The following INPP4B variants were observed in gnomAD, a reference collection of about 807,000 sequenced individuals.
INPP4B encodes inositol polyphosphate-4-phosphatase type II B, also known as inositol polyphosphate 4-phosphatase type II.
INPP4B carries 55 observed loss-of-function variants against 122.5 expected under a neutral mutation model. That is an observed-to-expected ratio of 0.45 (90% CI 0.36 to 0.56). INPP4B has a LOEUF of 0.56. Ranked by LOEUF, INPP4B falls within the 20% of genes least tolerant of loss-of-function variation. INPP4B has a pLI of 0.00. For missense variants in INPP4B, 1,000 were observed against 1,097.7 expected (o/e 0.91, Z 1.26); for synonymous variants, 403 against 388.7 (o/e 1.04, Z -0.43).
At chr4:142,807,002 A>G (rs1295902534) in intron 1 of INPP4B, among the ~76,000 whole-genome samples, 1 of 152,152 alleles carries the variant, frequency 6.6e-6, no homozygotes. Context: ...ACAAAAAATC[A>G]TATTTGATGC....
At chr4:142,467,455 A>AT in intron 2 of INPP4B, among the ~76,000 whole-genome samples, 1 of 151,380 alleles carries the variant, frequency 6.6e-6, no homozygotes, top group Middle Eastern at 3.5e-3. Context: ...TTTTTGGCCA[A>AT]TTTTTCCCCT....
At chr4:142,484,122 A>G (rs1243357546) in intron 2 of INPP4B, among the ~76,000 whole-genome samples, 1 of 152,134 alleles carries the variant, frequency 6.6e-6, no homozygotes, top group Non-Finnish European at 1.5e-5. Flanking sequence ...TATCATCTGC[A>G]GCCAGGTTAA....
intron 3 of INPP4B, among the ~76,000 whole-genome samples, chr4:142,443,464 C>G (rs1172759287): frequency 6.6e-6 from 1 of 152,086 alleles, no homozygotes; most frequent in African/African-American, 2.4e-5. Flanking sequence ...AAGGGAGGAG[C>G]AGTAAATCTT....
chr4:142,301,603 T>C (rs1761432761), intron 9 of INPP4B, among the ~76,000 whole-genome samples: 1 of 152,208 alleles, frequency 6.6e-6, no homozygotes, highest in African/African-American at 2.4e-5. Flanking sequence ...CCTTGCATGC[T>C]AGCAGATGCT....
intron 1 of INPP4B, among the ~76,000 whole-genome samples, chr4:142,811,862 G>A (rs921307275): frequency 7.2e-5 from 11 of 152,002 alleles, no homozygotes; most frequent in Non-Finnish European, 1.2e-4. Flanking sequence ...AGAAAAGCGC[G>A]CTGCTAGCAC....
chr4:142,255,059 TAAAGA>T lies in INPP4B; in HGVS notation c.688+5428_688+5432del, dbSNP rs555484948. On this transcript the variant is annotated intron_variant, in intron 11 of 25. Transcript: ENST00000262992. ...AGTGGGGGCCAATATTCAACATTCT[TAAAGA>T]AAAGAATTTTCAACCCAGAATTTCA... Among the ~76,000 whole-genome samples the T allele has an allele frequency of 4.8e-3, 736 of 152,132 alleles. 10 individuals carry two copies. The highest frequency in any genetic ancestry group is 0.016 in the African/African-American group (676 of 41,468).
At chr4:142,726,910 C>T (rs940966151) in intron 1 of INPP4B, among the ~76,000 whole-genome samples, 1 of 152,086 alleles carries the variant, frequency 6.6e-6, no homozygotes, top group African/African-American at 2.4e-5. Flanking sequence ...AAGAACATAG[C>T]ATAGTACCAA....
intron 25 of INPP4B, among the ~76,000 whole-genome samples, chr4:142,058,111 A>T (rs1309862499): frequency 6.6e-6 from 1 of 152,158 alleles, no homozygotes; most frequent in Admixed American, 6.6e-5. Context: ...CATACAAGTC[A>T]AGATCCTCTA....
In INPP4B at chr4:142,539,554, T is replaced by G. The variant is rs143765632; in HGVS notation, c.-190-76828A>C. Among the ~76,000 whole-genome samples, 100 of 152,140 alleles carry G rather than the reference T, an allele frequency of 6.6e-4. 1 individual carries two copies. The East Asian group carries it at 0.016, about 25-fold the overall frequency. ...CTCCCTTCCTTTTGCCTTAGTTTAT[T>G]ATTTCTTATACTGAATCTTGCTGTT... On this transcript the variant is annotated intron_variant, in intron 2 of 25. Transcript: ENST00000262992.
intron 7 of INPP4B, among the ~76,000 whole-genome samples, chr4:142,359,734 C>G (rs1784796863): frequency 6.6e-6 from 1 of 151,932 alleles, no homozygotes; most frequent in Admixed American, 6.6e-5. Flanking sequence ...CTGTATCTAG[C>G]TTTATGCTTT....
chr4:142,708,782 T>C (rs1442796016), intron 2 of INPP4B, among the ~76,000 whole-genome samples: 1 of 152,126 alleles, frequency 6.6e-6, no homozygotes, highest in African/African-American at 2.4e-5. Context: ...AAATGTGGCG[T>C]GAGAGGCCCC....
At chr4:142,523,912 G>T (rs1826457742) in intron 2 of INPP4B, among the ~76,000 whole-genome samples, 1 of 144,614 alleles carries the variant, frequency 6.9e-6, no homozygotes, top group Non-Finnish European at 1.5e-5. Flanking sequence ...GCGGTGTTTG[G>T]TTTTTTGTTC....
intron 7 of INPP4B, among the ~76,000 whole-genome samples, chr4:142,379,112 C>A (rs998029813): frequency 6.6e-6 from 1 of 152,170 alleles, no homozygotes; most frequent in Middle Eastern, 3.4e-3. Flanking sequence ...CCCAAAATGG[C>A]AATTTTTTAA....
chr4:142,109,842 C>T (rs1214511816), intron 22 of INPP4B, among the ~76,000 whole-genome samples: 1 of 152,098 alleles, frequency 6.6e-6, no homozygotes, highest in Non-Finnish European at 1.5e-5. Context: ...CGATTCCACG[C>T]TTCTTGTTAC....
chr4:142,289,607 T>C (rs1238127662), intron 9 of INPP4B, among the ~76,000 whole-genome samples: 1 of 152,204 alleles, frequency 6.6e-6, no homozygotes, highest in African/African-American at 2.4e-5. Flanking sequence ...CATCATTTAG[T>C]TCCCACTTGT....
At chr4:142,127,545 C>T (rs944825475) in intron 18 of INPP4B, among the ~76,000 whole-genome samples, 15 of 151,914 alleles carry the variant, frequency 9.9e-5, no homozygotes, top group African/African-American at 3.1e-4. Flanking sequence ...AAGGAACACA[C>T]AACATTCTAA....
At chr4:142,440,413 G>T (rs908676397) in intron 3 of INPP4B, among the ~76,000 whole-genome samples, 3 of 152,196 alleles carry the variant, frequency 2.0e-5, no homozygotes, top group Non-Finnish European at 4.4e-5. Context: ...TAGGCCAACG[G>T]AGCAGCAGGA....
chr4:142,258,701 A>T (rs574372201), intron 11 of INPP4B, among the ~76,000 whole-genome samples: 1 of 152,314 alleles, frequency 6.6e-6, no homozygotes, highest in African/African-American at 2.4e-5. Flanking sequence ...AAGTCAGGAA[A>T]CAACAGGTGT....
intron 1 of INPP4B, among the ~76,000 whole-genome samples, chr4:142,807,410 A>G (rs968110730): frequency 3.3e-5 from 5 of 152,190 alleles, no homozygotes; most frequent in Non-Finnish European, 5.9e-5. Context: ...ATGTGTTGCT[A>G]AACTGGAAAG....
Sources: gnomAD v4.1 joint callset for allele counts (sites outside exome capture counted in the v4.1 genomes callset) on GRCh38, gnomAD v4.1.1 for gene constraint, MANE v1.5 for transcripts, NCBI Gene and HGNC (gene_info 2026-07-23, HGNC 2026-07-21) for gene names.